The following KCTD16 variants were observed in gnomAD, a reference collection of about 807,000 sequenced individuals.
KCTD16 encodes BTB/POZ domain-containing protein KCTD16.
Under a neutral mutation model 33.2 loss-of-function variants are expected in KCTD16, and 13 were observed. That is an observed-to-expected ratio of 0.39 (90% CI 0.25 to 0.62). The LOEUF (loss-of-function observed/expected upper bound fraction) is 0.62. KCTD16 is among the 20% of genes least tolerant of loss of function. The probability of loss-of-function intolerance (pLI) is 0.50; values close to 1 mark genes in which losing one functional copy is unlikely to be tolerated. For synonymous variants in KCTD16, 197 were observed against 195.3 expected, an observed-to-expected ratio of 1.01 and a Z score of -0.07; for missense variants, 441 against 525.1, an observed-to-expected ratio of 0.84 and a Z score of 1.57.
chr5:144,187,424 TCACA>T (rs72391987), intron 2 of KCTD16, among the ~76,000 whole-genome samples: 32,230 of 150,464 alleles, frequency 0.21, 3,614 homozygotes, highest in East Asian at 0.4. Context: ...AGAGCTGATT[TCACA>T]CACACACACA....
chr5:144,463,465 G>A (rs1382421783), intron 3 of KCTD16, among the ~76,000 whole-genome samples: 1 of 152,004 alleles, frequency 6.6e-6, no homozygotes, highest in Non-Finnish European at 1.5e-5. Context: ...ATCATGCTGT[G>A]GACAAATCAT....
At chr5:144,385,413 G>C (rs1752302511) in intron 3 of KCTD16, 1 of 152,080 alleles carries the variant, frequency 6.6e-6, no homozygotes, top group Non-Finnish European at 1.5e-5. Context: ...GCCAAGCCAT[G>C]GGGATTTATT....
intron 3 of KCTD16, among the ~76,000 whole-genome samples, chr5:144,281,411 A>T (rs1755606266): frequency 6.6e-6 from 1 of 152,194 alleles, no homozygotes; most frequent in South Asian, 2.1e-4. Flanking sequence ...CATTCAATTC[A>T]GAATATTTTC....
chr5:144,258,947 A>C (rs565954444), intron 3 of KCTD16, among the ~76,000 whole-genome samples: 1 of 151,948 alleles, frequency 6.6e-6, no homozygotes, highest in South Asian at 2.1e-4. Flanking sequence ...CTACCTGAAA[A>C]TTTTTGATGA....
chr5:144,469,839 G>A (rs1034887693), intron 3 of KCTD16, among the ~76,000 whole-genome samples: 2 of 151,390 alleles, frequency 1.3e-5, no homozygotes, highest in East Asian at 1.9e-4. Flanking sequence ...TATGCAGCAG[G>A]CACCAAAAAT....
At chr5:144,399,464 A>G (rs992073637) in intron 3 of KCTD16, among the ~76,000 whole-genome samples, 12 of 152,140 alleles carry the variant, frequency 7.9e-5, no homozygotes, top group African/African-American at 2.9e-4. Flanking sequence ...TCAGTTTCCC[A>G]TTAGCAAAGT....
chr5:144,203,059 C>T (rs141561118), intron 2 of KCTD16, among the ~76,000 whole-genome samples: 270 of 152,192 alleles, frequency 1.8e-3, no homozygotes, highest in African/African-American at 6.1e-3. Context: ...GATTCATTTC[C>T]TAGGTTTTAT....
At chr5:144,242,742 G>C (rs1407402615) in intron 3 of KCTD16, among the ~76,000 whole-genome samples, 1 of 152,088 alleles carries the variant, frequency 6.6e-6, no homozygotes, top group Non-Finnish European at 1.5e-5. Context: ...GAGATTGCAT[G>C]GTCATAGAGG....
intron 3 of KCTD16, among the ~76,000 whole-genome samples, chr5:144,437,948 T>C (rs965969255): frequency 6.6e-6 from 1 of 152,176 alleles, no homozygotes; most frequent in Non-Finnish European, 1.5e-5. Flanking sequence ...CTATTCTAAA[T>C]TGAGATGTTT....
At chr5:144,442,860 G>GTACTAGGGA (rs112927933) in intron 3 of KCTD16, among the ~76,000 whole-genome samples, 7,611 of 151,978 alleles carry the variant, frequency 0.05, 636 homozygotes, top group African/African-American at 0.17. Flanking sequence ...TCTATACTAG[G>GTACTAGGGA]TACTAGGGAT....
chr5:144,346,257 T>C (rs1752798301), intron 3 of KCTD16, among the ~76,000 whole-genome samples: 1 of 152,182 alleles, frequency 6.6e-6, no homozygotes, highest in Non-Finnish European at 1.5e-5. Flanking sequence ...CATTCACCTG[T>C]TGATGGACAC....
In KCTD16 at chr5:144,465,784, TTG is replaced by T. The variant is rs1434799078; in HGVS notation, c.833-7874_833-7873del. Among the ~76,000 whole-genome samples, 264 of 148,308 alleles carry T rather than the reference TTG, an allele frequency of 1.8e-3. 4 individuals are homozygous for T. Among genetic ancestry groups the T allele is most frequent in the African/African-American group, 6.4e-3 (253 of 39,288 alleles). ...AACAATTGCTCCAAATTTAACTTTTTTGTTTTTTTTTTTTTTTGCCAGGAGGA... is the reference window on the plus strand; with the variant it reads ...AACAATTGCTCCAAATTTAACTTTTTTTTTTTTTTTTTTTTGCCAGGAGGA... On this transcript the variant is annotated intron_variant, in intron 3 of 3. Coordinates refer to ENST00000512467, the MANE Select transcript of KCTD16 (RefSeq NM_020768.4).
At chr5:144,191,673 G>T (rs1455657682) in intron 2 of KCTD16, among the ~76,000 whole-genome samples, 4 of 152,022 alleles carry the variant, frequency 2.6e-5, no homozygotes, top group Non-Finnish European at 4.4e-5. Flanking sequence ...CTCTTTGGGG[G>T]TGTTTACCAG....
intron 3 of KCTD16, among the ~76,000 whole-genome samples, chr5:144,427,589 C>G (rs1205440316): frequency 6.6e-6 from 1 of 152,042 alleles, no homozygotes; most frequent in East Asian, 1.9e-4. Flanking sequence ...TCTTGGATGA[C>G]TGGTTCACAA....
In KCTD16 at chr5:144,479,314, C is replaced by A. The variant is rs1452200845; in HGVS notation, c.*5200C>A. On this transcript the variant is annotated 3_prime_UTR_variant, in exon 4 of 4. Coordinates refer to ENST00000512467, the MANE Select transcript of KCTD16 (RefSeq NM_020768.4). ...CTCTCAGATAATTGAAGATCCTGAACCCTGACATTAACTAAAAACTTGAAG... is the reference window on the plus strand; with the variant it reads ...CTCTCAGATAATTGAAGATCCTGAAACCTGACATTAACTAAAAACTTGAAG... 1 of 149,986 alleles carries A rather than the reference C, an allele frequency of 6.7e-6. No homozygotes were observed. The highest frequency in any genetic ancestry group is 2.5e-5 in the African/African-American group (1 of 40,698). The allele number at this position is 149,986 out of a possible 1,614,324, so 9.3% of individuals were successfully genotyped here.
At chr5:144,344,452 T>C in intron 3 of KCTD16, among the ~76,000 whole-genome samples, 1 of 149,364 alleles carries the variant, frequency 6.7e-6, no homozygotes, top group Non-Finnish European at 1.5e-5. Context: ...CGCAACCTAC[T>C]CATCTGACAA....
intron 3 of KCTD16, among the ~76,000 whole-genome samples, chr5:144,420,306 A>G (rs1012619258): frequency 2.0e-5 from 3 of 152,160 alleles, no homozygotes; most frequent in Middle Eastern, 3.2e-3. Flanking sequence ...TAAAGAGGAA[A>G]GAGGCAGATT....
At position 144,417,342 on chromosome 5, in the gene KCTD16, A is replaced by G. The variant is rs944219450; in HGVS notation, c.833-56318A>G. Among the ~76,000 whole-genome samples, 106 of 151,960 alleles carry G rather than the reference A, an allele frequency of 7.0e-4. 1 individual carries two copies. The highest frequency in any genetic ancestry group is 2.4e-3 in the African/African-American group (101 of 41,390). On this transcript the variant is annotated intron_variant, in intron 3 of 3. Coordinates refer to ENST00000512467, the MANE Select transcript of KCTD16 (RefSeq NM_020768.4). ...GGATATCAAATGGTGCCTCATTGTGATTTTCATTTGCATTTCCCTAATGAC... is the reference window on the plus strand; with the variant it reads ...GGATATCAAATGGTGCCTCATTGTGGTTTTCATTTGCATTTCCCTAATGAC...
intron 3 of KCTD16, among the ~76,000 whole-genome samples, chr5:144,268,028 C>T (rs971515813): frequency 6.6e-6 from 1 of 152,124 alleles, no homozygotes; most frequent in African/African-American, 2.4e-5. Context: ...AATTTTGAAA[C>T]TCTGGAGTGT....
Sources: allele counts gnomAD v4.1 joint callset (sites outside exome capture counted in the v4.1 genomes callset), GRCh38; gene constraint gnomAD v4.1.1; transcripts MANE v1.5; gene names NCBI Gene and HGNC (gene_info 2026-07-23, HGNC 2026-07-21).